The following SPTSSB variants were observed in gnomAD, a reference collection of about 807,000 sequenced individuals.
SPTSSB encodes androgen down regulated in mouse prostate.
A neutral mutation model predicts 7.7 loss-of-function variants in SPTSSB; 6 were observed. That is an observed-to-expected ratio of 0.78 (90% confidence interval 0.43 to 1.54). The LOEUF (loss-of-function observed/expected upper bound fraction) is 1.54. Among genes scored for constraint, SPTSSB ranks in the 40% most tolerant of loss-of-function variants. The probability of loss-of-function intolerance (pLI) is 0.01; values close to 1 mark genes in which losing one functional copy is unlikely to be tolerated. For missense variants in SPTSSB, 91 were observed against 93.0 expected, an observed-to-expected ratio of 0.98 and a Z score of 0.09; for synonymous variants, 28 against 29.7, an observed-to-expected ratio of 0.94 and a Z score of 0.19.
At chr3:161,360,097 A>T (rs1714946950) in intron 1 of SPTSSB, among the ~76,000 whole-genome samples, 1 of 152,206 alleles carries the variant, frequency 6.6e-6, no homozygotes, top group Non-Finnish European at 1.5e-5. Flanking sequence ...AAGATATGCC[A>T]TTGGCTAGTG....
chr3:161,366,797 A>C (rs1715240442), intron 1 of SPTSSB, among the ~76,000 whole-genome samples: 1 of 152,176 alleles, frequency 6.6e-6, no homozygotes, highest in African/African-American at 2.4e-5. Context: ...AAATCTGTTG[A>C]ATAAATGAAT....
At chr3:161,360,526 G>T (rs1335835108) in intron 1 of SPTSSB, among the ~76,000 whole-genome samples, 1 of 152,180 alleles carries the variant, frequency 6.6e-6, no homozygotes, top group East Asian at 1.9e-4. Context: ...AGAATTAAAT[G>T]AGAAAATATC....
At chr3:161,362,533 G>T (rs1162051232) in intron 1 of SPTSSB, among the ~76,000 whole-genome samples, 1 of 151,978 alleles carries the variant, frequency 6.6e-6, no homozygotes, top group Non-Finnish European at 1.5e-5. Flanking sequence ...CCAAATATAA[G>T]AATTTATTTT....
At chr3:161,347,066 T>C (rs1245634833) in intron 2 of SPTSSB, among the ~76,000 whole-genome samples, 1 of 152,192 alleles carries the variant, frequency 6.6e-6, no homozygotes, top group Non-Finnish European at 1.5e-5. Context: ...TGGAGTCAAG[T>C]TGAAATGACT....
chr3:161,361,285 T>C (rs914752406), intron 1 of SPTSSB, among the ~76,000 whole-genome samples: 1 of 152,090 alleles, frequency 6.6e-6, no homozygotes, highest in Non-Finnish European at 1.5e-5. Flanking sequence ...GGTTATGTGG[T>C]GAGGTAGCGA....
intron 1 of SPTSSB, among the ~76,000 whole-genome samples, chr3:161,362,018 T>C (rs1051888074): frequency 6.6e-6 from 1 of 152,142 alleles, no homozygotes; most frequent in African/African-American, 2.4e-5. Context: ...GATTGATTTA[T>C]TTTTTCTTTG....
At chr3:161,367,444 A>G (rs1361203774) in intron 1 of SPTSSB, among the ~76,000 whole-genome samples, 1 of 152,196 alleles carries the variant, frequency 6.6e-6, no homozygotes, top group Non-Finnish European at 1.5e-5. Flanking sequence ...GTTTCAGTGA[A>G]CTAATAACTG....
intron 2 of SPTSSB, among the ~76,000 whole-genome samples, chr3:161,356,173 G>C: frequency 6.6e-6 from 1 of 152,116 alleles, no homozygotes; most frequent in Admixed American, 6.5e-5. Context: ...ACATATTTAG[G>C]TTTATTCCTG....
At chr3:161,355,043 T>C (rs886449284) in intron 2 of SPTSSB, among the ~76,000 whole-genome samples, 1 of 152,188 alleles carries the variant, frequency 6.6e-6, no homozygotes, top group Non-Finnish European at 1.5e-5. Context: ...AAGGGAATGG[T>C]CTATCTTGTC....
chr3:161,358,675 C>T (rs577257909), intron 2 of SPTSSB, among the ~76,000 whole-genome samples: 6 of 152,086 alleles, frequency 3.9e-5, no homozygotes, highest in African/African-American at 1.4e-4. Flanking sequence ...TTACTAAATT[C>T]AAAACCAGTT....
intron 1 of SPTSSB, among the ~76,000 whole-genome samples, chr3:161,360,313 G>A (rs1264268456): frequency 6.6e-6 from 1 of 152,096 alleles, no homozygotes; most frequent in Non-Finnish European, 1.5e-5. Flanking sequence ...TATCCATGGG[G>A]GACACGGGGA....
intron 1 of SPTSSB, among the ~76,000 whole-genome samples, chr3:161,369,603 C>T (rs1715419146): frequency 6.6e-6 from 1 of 151,446 alleles, no homozygotes; most frequent in South Asian, 2.1e-4. Context: ...TTGTTGAGTT[C>T]TTCATTTTCT....
In SPTSSB at chr3:161,365,138, G is replaced by A. The variant is rs76146529; in HGVS notation, c.-125-5244C>T. Among the ~76,000 whole-genome samples the A allele has an allele frequency of 4.6e-3, 698 of 152,186 alleles. 7 individuals are homozygous for A. The highest frequency in any genetic ancestry group is 0.016 in the African/African-American group (657 of 41,518). ...ATATTTATTGAGCAACTTATGTTTC[G>A]GAAGTTTGATAAGCACTTTATATGA... On this transcript the variant is annotated intron_variant, in intron 1 of 2. Transcript: ENST00000620149.
chr3:161,346,527 T>G (rs1020675167), intron 2 of SPTSSB, among the ~76,000 whole-genome samples, 172 bp from the exon 3 acceptor site: 3 of 152,098 alleles, frequency 2.0e-5, no homozygotes, highest in Admixed American at 6.5e-5. Flanking sequence ...CTATAAAAAT[T>G]AATAATATTG....
rs1714887109 is a variant in SPTSSB, at chr3:161,358,679, A to G, written c.-33+1123T>C. The stretch of plus-strand genomic sequence containing the variant: ...ACTTTTATTGGTTACTAAATTCAAA[A>G]CCAGTTTTAGAGAGGTTATTTTTCA... On this transcript the variant is annotated intron_variant, in intron 2 of 2. Transcript: ENST00000620149. Among the ~76,000 whole-genome samples, 3 of 152,200 alleles carry G rather than the reference A, an allele frequency of 2.0e-5. No homozygotes were observed. In the South Asian group the frequency reaches 6.2e-4, roughly 32 times the overall value.
chr3:161,361,330 A>T (rs1279945801), intron 1 of SPTSSB, among the ~76,000 whole-genome samples: 1 of 152,160 alleles, frequency 6.6e-6, no homozygotes, highest in Non-Finnish European at 1.5e-5. Flanking sequence ...AGCAGAGGCT[A>T]GACAACACCT....
At chr3:161,362,323 A>G (rs577931333) in intron 1 of SPTSSB, among the ~76,000 whole-genome samples, 2 of 152,248 alleles carry the variant, frequency 1.3e-5, no homozygotes, top group African/African-American at 4.8e-5. Flanking sequence ...GCCAAATATT[A>G]AGTAAGAATC....
At chr3:161,366,111 T>C (rs1156786088) in intron 1 of SPTSSB, among the ~76,000 whole-genome samples, 1 of 152,222 alleles carries the variant, frequency 6.6e-6, no homozygotes, top group African/African-American at 2.4e-5. Flanking sequence ...GAACTAGTTC[T>C]TAATTATTTA....
intron 2 of SPTSSB, among the ~76,000 whole-genome samples, chr3:161,355,100 C>G (rs1714706270): frequency 6.6e-6 from 1 of 152,120 alleles, no homozygotes; most frequent in African/African-American, 2.4e-5. Flanking sequence ...GGGTAAGTAT[C>G]CCTGCTTATT....
Sources: gnomAD v4.1 joint callset for allele counts (sites outside exome capture counted in the v4.1 genomes callset) on GRCh38, gnomAD v4.1.1 for gene constraint, MANE v1.5 for transcripts, NCBI Gene and HGNC (gene_info 2026-07-23, HGNC 2026-07-21) for gene names.